GRM5: variants seen among roughly 807,000 people sequenced by gnomAD.
GRM5 encodes metabotropic glutamate receptor 5.
A neutral mutation model predicts 83.1 loss-of-function variants in GRM5; 19 were observed. The ratio of observed to expected loss-of-function variants is 0.23; its 90% CI spans 0.16 to 0.34. The LOEUF (loss-of-function observed/expected upper bound fraction) is 0.34. GRM5 is among the 10% of genes least tolerant of loss of function. The probability of loss-of-function intolerance (pLI) is 1.00; values close to 1 mark genes in which losing one functional copy is unlikely to be tolerated. For synonymous variants in GRM5, 675 were observed against 633.6 expected, an observed-to-expected ratio of 1.07 and a Z score of -0.98; for missense variants, 1,160 against 1,588.3, an observed-to-expected ratio of 0.73 and a Z score of 4.58.
intron 3 of GRM5, among the ~76,000 whole-genome samples, chr11:88,737,801 C>T (rs982895966): frequency 1.3e-5 from 2 of 151,966 alleles, no homozygotes; most frequent in Non-Finnish European, 2.9e-5. Flanking sequence ...TATGCATGAT[C>T]CATTTAAACA....
chr11:88,974,276 T>A (rs1185193177), intron 2 of GRM5, among the ~76,000 whole-genome samples: 1 of 152,166 alleles, frequency 6.6e-6, no homozygotes, highest in Admixed American at 6.6e-5. Context: ...AGGTGGGCAT[T>A]TGCCTTCCCA....
chr11:88,545,477 TTCTCTAG>T (rs1304698649), intron 8 of GRM5, among the ~76,000 whole-genome samples: 6 of 143,220 alleles, frequency 4.2e-5, no homozygotes, highest in African/African-American at 1.5e-4. Flanking sequence ...CACCCTTTGA[TTCTCTAG>T]TCTGAACCTT....
At chr11:88,986,727 CTTT>C (rs60281684) in intron 2 of GRM5, among the ~76,000 whole-genome samples, 7,252 of 93,082 alleles carry the variant, frequency 0.078, 584 homozygotes, top group African/African-American at 0.27. Context: ...TTTATTTTTG[CTTT>C]TTTTTTTTTT....
In GRM5 at chr11:88,567,114, T is replaced by G; in HGVS notation, c.2569A>C (p.Ser857Arg). The change falls in exon 8 of 10, where the codon AGC becomes CGC. Residue 857 changes from serine to arginine, a missense_variant. Ser to Arg is a moderately radical substitution (Grantham distance 110, BLOSUM62 -1). Coordinates refer to ENST00000305447, the MANE Select transcript of GRM5 (RefSeq NM_001143831.3). This position sits in a 1 kb window ranked among gnomAD's most constrained non-coding sequence, Gnocchi z 7.3. ...AGGTTGACTAGGCTGCTGGATCTGC[T>G]GGCTGCGGAGGATGACTTGCCATCC... ...VGDGKSSSAA[S>R]RSSSLVNLWK... 1.2e-6 allele frequency: 2 copies of G among 1,614,098 alleles called. No individual in the cohort carries two copies. The highest frequency in any genetic ancestry group is 4.5e-5 in the East Asian group (2 of 44,866).
At chr11:88,713,709 A>G (rs6483391) in intron 3 of GRM5, among the ~76,000 whole-genome samples, 148,304 of 152,092 alleles carry the variant, frequency 0.98, 72,421 homozygotes, top group East Asian at 1. Context: ...TGGGAAATAC[A>G]TGTGTTTCTG....
At chr11:88,770,668 A>T (rs1441340689) in intron 3 of GRM5, among the ~76,000 whole-genome samples, 6 of 152,256 alleles carry the variant, frequency 3.9e-5, no homozygotes, top group Non-Finnish European at 5.9e-5. Context: ...TGTCACCAAA[A>T]CTGAACAGAA....
chr11:88,519,042 T>C (rs1271186852), intron 9 of GRM5, among the ~76,000 whole-genome samples: 1 of 148,086 alleles, frequency 6.8e-6, no homozygotes, highest in Non-Finnish European at 1.5e-5. Context: ...CAATATCGGA[T>C]GTAAAGGTAA....
chr11:88,780,468 G>A (rs10765770), intron 3 of GRM5, among the ~76,000 whole-genome samples: 80,002 of 152,004 alleles, frequency 0.53, 23,799 homozygotes, highest in Non-Finnish European at 0.7. Context: ...ATGATGTTGG[G>A]AGAGTACCTT....
At chr11:88,972,506 A>AT (rs1489003887) in intron 2 of GRM5, among the ~76,000 whole-genome samples, 1 of 152,166 alleles carries the variant, frequency 6.6e-6, no homozygotes, top group Non-Finnish European at 1.5e-5. Context: ...AATTTATGAG[A>AT]TTTTACTAAC....
At chr11:88,702,240 A>G (rs1298422150) in intron 3 of GRM5, among the ~76,000 whole-genome samples, 1 of 152,104 alleles carries the variant, frequency 6.6e-6, no homozygotes, top group Non-Finnish European at 1.5e-5. Flanking sequence ...TATCTGAGGT[A>G]TTCCCCATCC....
At chr11:88,759,404 G>GA (rs1279489694) in intron 3 of GRM5, among the ~76,000 whole-genome samples, 2 of 151,716 alleles carry the variant, frequency 1.3e-5, no homozygotes, top group Non-Finnish European at 2.9e-5. Flanking sequence ...ACAGAAAACA[G>GA]AAAAAAAGCA....
rs140174164 is a variant in GRM5, at chr11:88,703,774, A to G, written c.912-50371T>C. The stretch of plus-strand genomic sequence containing the variant: ...ACTATAATCATTAAAATAATAATAC[A>G]ATAAATGCAGTACGACAATACAAGG... On this transcript the variant is annotated intron_variant, in intron 3 of 9. Transcript: ENST00000305447. Among the ~76,000 whole-genome samples, 102 of 152,182 alleles carry G rather than the reference A, an allele frequency of 6.7e-4. 2 individuals are homozygous for G. In the East Asian group the frequency reaches 0.019, roughly 28 times the overall value.
At chr11:88,648,531 A>C (rs1386528815) in intron 4 of GRM5, among the ~76,000 whole-genome samples, 1 of 113,404 alleles carries the variant, frequency 8.8e-6, no homozygotes. Flanking sequence ...GAGGGATAGC[A>C]CTGGGAGATA....
At chr11:89,064,886 C>CTG (rs1477202270) in intron 1 of GRM5, among the ~76,000 whole-genome samples, 9 of 72,778 alleles carry the variant, frequency 1.2e-4, no homozygotes, top group African/African-American at 4.3e-4. Flanking sequence ...CTCTCTCTCT[C>CTG]TCTGTGTGTG....
At chr11:88,710,988 C>G (rs763454350) in intron 3 of GRM5, among the ~76,000 whole-genome samples, 6 of 151,904 alleles carry the variant, frequency 3.9e-5, no homozygotes, top group African/African-American at 1.5e-4. Flanking sequence ...ATGGGACACT[C>G]AGGTTAAAAC....
intron 3 of GRM5, among the ~76,000 whole-genome samples, chr11:88,739,569 TG>T (rs1422781658): frequency 6.6e-6 from 1 of 151,984 alleles, no homozygotes; most frequent in African/African-American, 2.4e-5. Context: ...AATTCCCACG[TG>T]GGGAGGGTGG....
At chr11:88,799,732 C>A (rs1306920211) in intron 3 of GRM5, among the ~76,000 whole-genome samples, 4 of 152,102 alleles carry the variant, frequency 2.6e-5, no homozygotes, top group South Asian at 2.1e-4. Flanking sequence ...TTTTGTGTAT[C>A]CATGGTCACA....
At chr11:88,757,171 G>C (rs137874664) in intron 3 of GRM5, among the ~76,000 whole-genome samples, 1 of 152,126 alleles carries the variant, frequency 6.6e-6, no homozygotes, top group Admixed American at 6.6e-5. Flanking sequence ...AAACCGATCT[G>C]TCAAATGAGA....
At chr11:88,764,257 G>T (rs982380523) in intron 3 of GRM5, among the ~76,000 whole-genome samples, 1 of 151,342 alleles carries the variant, frequency 6.6e-6, no homozygotes, top group Non-Finnish European at 1.5e-5. Context: ...CTATCATAAC[G>T]GTTGCAGACT....
Sources: allele counts gnomAD v4.1 joint callset (sites outside exome capture counted in the v4.1 genomes callset), GRCh38; gene constraint gnomAD v4.1.1; non-coding constraint Gnocchi (gnomAD v3.1); transcripts MANE v1.5; gene names NCBI Gene and HGNC (gene_info 2026-07-23, HGNC 2026-07-21).